The following CBL variants were observed in gnomAD, a reference collection of about 807,000 sequenced individuals.
CBL encodes Cbl proto-oncogene.
In CBL, 45 loss-of-function variants were observed where a neutral mutation model predicts 96.9. The observed-to-expected ratio is 0.46, with a 90% CI of 0.37 to 0.60. The LOEUF (loss-of-function observed/expected upper bound fraction) is 0.60. Ranked by LOEUF, CBL falls within the 20% of genes least tolerant of loss-of-function variation. CBL has a pLI of 0.00. For synonymous variants in CBL, 420 were observed against 426.8 expected, an observed-to-expected ratio of 0.98 and a Z score of 0.20; for missense variants, 1,024 against 1,143.5, an observed-to-expected ratio of 0.90 and a Z score of 1.51.
chr11:119,261,795 G>A (rs191591456), intron 2 of CBL, among the ~76,000 whole-genome samples: 5 of 152,282 alleles, frequency 3.3e-5, no homozygotes, highest in Admixed American at 6.5e-5. Flanking sequence ...AAACAGGACC[G>A]TGAAGTAACA....
rs766937091 is a variant in CBL at position 119,299,757 on chromosome 11, T to C, written c.2697T>C (p.Ser899=). Residue 899 remains serine (S), a synonymous_variant, in exon 16 of 16, where the codon TCT becomes TCC. Transcript: ENST00000264033. ...TCCTCCGGGAATTTGTTTCCATTTC[T>C]TCTCCTGCCCATGTAGCTACCTAGC... ...KNILREFVSI[S]SPAHVAT is the part of the protein sequence containing the mutation. 6.2e-7 allele frequency: 1 copy of C among 1,614,232 alleles called. No individual in the cohort carries two copies. Among genetic ancestry groups the C allele is most frequent in the South Asian group, 1.1e-5 (1 of 91,086 alleles).
Position 119,232,651 on chromosome 11 carries a change from C to G in CBL, c.399C>G (p.Phe133Leu). ...MKKTKQTISL[F>L]KEGKERMYEE... ...AAACTAAGCAAACCATAAGCCTCTT[C>G]AAGGAGGGAAAAGAAAGAATGTATG... Residue 133 changes from phenylalanine (F) to leucine (L), a missense_variant, in exon 2 of 16, where the codon TTC (phenylalanine) becomes TTG (leucine). Phe to Leu is a conservative substitution (Grantham distance 22). Around this residue, in one of 4 missense-constraint regions of CBL, gnomAD observed 192 missense variants for 321.8 expected, o/e 0.60. Transcript: ENST00000264033. The G allele has an allele frequency of 6.2e-7, 1 of 1,613,738 alleles. No individual in the cohort carries two copies.
intron 2 of CBL, among the ~76,000 whole-genome samples, chr11:119,270,232 G>T (rs1320288444): frequency 1.4e-5 from 2 of 145,250 alleles, no homozygotes; most frequent in East Asian, 4.0e-4. Flanking sequence ...AAATGGTACT[G>T]TGTGACATCT....
chr11:119,236,762 T>C (rs1949550091), intron 2 of CBL, among the ~76,000 whole-genome samples: 1 of 152,064 alleles, frequency 6.6e-6, no homozygotes, highest in African/African-American at 2.4e-5. Flanking sequence ...TGCTAACAAT[T>C]GCTATTGACT....
At chr11:119,275,948 C>T (rs1230101308) in intron 5 of CBL, 49 bp from the exon 6 acceptor site, 4 of 1,582,716 alleles carry the variant, frequency 2.5e-6, no homozygotes, top group African/African-American at 1.3e-5. Flanking sequence ...TGCCTTCCAC[C>T]GTAATACCAG....
At chr11:119,286,572 G>A (rs1181632361) in intron 11 of CBL, among the ~76,000 whole-genome samples, 1 of 152,102 alleles carries the variant, frequency 6.6e-6, no homozygotes, top group Non-Finnish European at 1.5e-5. Context: ...ATGATGATTA[G>A]GTTATTTTAA....
chr11:119,297,245 C>T, intron 13 of CBL, 139 bp from the exon 14 acceptor site: 1 of 786,002 alleles, frequency 1.3e-6, no homozygotes, highest in Non-Finnish European at 2.2e-6. Flanking sequence ...CTCAAAAACA[C>T]ATACACCTAT....
At chr11:119,285,123 A>T (rs1298430703) in intron 10 of CBL, 23 bp downstream of exon 10, 2 of 1,614,038 alleles carry the variant, frequency 1.2e-6, no homozygotes, top group South Asian at 2.2e-5. Context: ...CCATTACTGC[A>T]GTTTTTGGAT....
chr11:119,220,747 T>C (rs1200591391), intron 1 of CBL, among the ~76,000 whole-genome samples: 1 of 152,220 alleles, frequency 6.6e-6, no homozygotes, highest in Non-Finnish European at 1.5e-5. Flanking sequence ...GTGTTTTTAA[T>C]AAGTGCTGTT....
intron 2 of CBL, among the ~76,000 whole-genome samples, chr11:119,250,941 ACT>A (rs1319973930): frequency 6.6e-6 from 1 of 151,966 alleles, no homozygotes; most frequent in Non-Finnish European, 1.5e-5. Flanking sequence ...ACAGAGCAAG[ACT>A]CTGTCTCAAA....
intron 2 of CBL, among the ~76,000 whole-genome samples, chr11:119,265,072 G>C (rs531635904): frequency 1.0e-4 from 15 of 148,384 alleles, no homozygotes; most frequent in Non-Finnish European, 1.5e-4. Context: ...ATAGATGGGG[G>C]GTCTCACTAT....
At chr11:119,239,875 T>C (rs1055908779) in intron 2 of CBL, among the ~76,000 whole-genome samples, 7 of 152,122 alleles carry the variant, frequency 4.6e-5, no homozygotes, top group Admixed American at 3.9e-4. Flanking sequence ...AGGTGAGTTG[T>C]GGACAGCTGA....
Position 119,254,090 on chromosome 11 carries a change from T to G in CBL, c.444-17645T>G, listed in dbSNP as rs573806470. On this transcript the variant is annotated intron_variant, in intron 2 of 15. Transcript: ENST00000264033. The stretch of plus-strand genomic sequence containing the variant: ...TCAGCTGGTCTTGGTGCCTCACACC[T>G]GTAATTCTAGCACTTTTGGAGATCG... 4.6e-5 allele frequency among the ~76,000 whole-genome samples: 7 copies of G among 150,816 alleles called. 1 individual carries two copies. The East Asian group carries it at 1.4e-3, about 29-fold the overall frequency.
At chr11:119,218,240 A>T (rs11217190) in intron 1 of CBL, among the ~76,000 whole-genome samples, 36,368 of 152,060 alleles carry the variant, frequency 0.24, 4,574 homozygotes, top group East Asian at 0.38. Flanking sequence ...AACTGAAGGT[A>T]TGTAGAGGGC....
intron 1 of CBL, among the ~76,000 whole-genome samples, chr11:119,228,459 A>G (rs972471790): frequency 2.6e-5 from 4 of 152,130 alleles, no homozygotes; most frequent in Non-Finnish European, 4.4e-5. Flanking sequence ...TACAAAAATT[A>G]GCCGGGCATG....
At chr11:119,289,253 C>G (rs1290968549) in intron 12 of CBL, among the ~76,000 whole-genome samples, 1 of 152,154 alleles carries the variant, frequency 6.6e-6, no homozygotes, top group Non-Finnish European at 1.5e-5. Flanking sequence ...AATTTCTCTG[C>G]TATTGGATAA....
At chr11:119,259,477 G>A (rs993615007) in intron 2 of CBL, among the ~76,000 whole-genome samples, 1 of 151,940 alleles carries the variant, frequency 6.6e-6, no homozygotes, top group Non-Finnish European at 1.5e-5. Context: ...GAGCCACTAT[G>A]CAAAAGTAAA....
intron 1 of CBL, among the ~76,000 whole-genome samples, chr11:119,219,216 A>G (rs1251540890): frequency 6.6e-6 from 1 of 151,838 alleles, no homozygotes; most frequent in Non-Finnish European, 1.5e-5. Context: ...TGTCTCTACT[A>G]AAAAATACAA....
chr11:119,245,368 T>G (rs945815004), intron 2 of CBL, among the ~76,000 whole-genome samples: 2 of 152,134 alleles, frequency 1.3e-5, no homozygotes, highest in Non-Finnish European at 2.9e-5. Context: ...ACCGAGAGAT[T>G]TAAAAATATT....
Sources: gnomAD v4.1 joint callset for allele counts (sites outside exome capture counted in the v4.1 genomes callset) on GRCh38, gnomAD v4.1.1 for gene constraint, gnomAD v4.1.1 regional missense constraint, MANE v1.5 for transcripts, NCBI Gene and HGNC (gene_info 2026-07-23, HGNC 2026-07-21) for gene names.